MPHOSPH6: variants seen among roughly 807,000 people sequenced by gnomAD.
MPHOSPH6 encodes the protein M-phase phosphoprotein 6.
MPHOSPH6 carries 25 observed loss-of-function variants against 21.8 expected under a neutral mutation model. The ratio of observed to expected loss-of-function variants is 1.15; its 90% CI spans 0.83 to 1.60. The LOEUF (loss-of-function observed/expected upper bound fraction) is 1.60. Ranked by LOEUF, MPHOSPH6 falls within the 40% of genes most tolerant of loss-of-function variation. The pLI is 0.00. For missense variants in MPHOSPH6, 269 were observed against 181.8 expected, an observed-to-expected ratio of 1.48 and a Z score of -2.76; for synonymous variants, 84 against 56.5, an observed-to-expected ratio of 1.49 and a Z score of -2.18.
chr16:82,164,178 A>C lies in MPHOSPH6; in HGVS notation c.68T>G (p.Leu23Arg). Reference protein sequence around the residue: ...LLRMKFMQRGLDSETKKQLEE... With the variant: ...LLRMKFMQRGRDSETKKQLEE... ...TAGTTGTTTCTTGGTTTCTGAGTCC[A>C]GTCCCCTTTGCATAAACTGTGAAAA... Residue 23 changes from leucine to arginine, a missense_variant, in exon 2 of 5, where the codon CTG (leucine) becomes CGG (arginine). Transcript: ENST00000258169. 1 of 1,609,874 alleles carries C rather than the reference A, an allele frequency of 6.2e-7. No individual in the cohort carries two copies. Among genetic ancestry groups the C allele is most frequent in the East Asian group, 2.2e-5 (1 of 44,856 alleles).
In MPHOSPH6 at chr16:82,148,877, A is replaced by C; in HGVS notation, c.351-14T>G. ...AAGGTCTCATATCTGTCAAGAGGAC[A>C]GGCAGCACACGTTTAATTTCAAATA... On this transcript the variant is annotated splice_polypyrimidine_tract_variant and intron_variant, in intron 4 of 4. Coordinates refer to ENST00000258169, the MANE Select transcript of MPHOSPH6 (RefSeq NM_005792.2). The C allele has an allele frequency of 6.2e-7, 1 of 1,613,728 alleles. No individual in the cohort carries two copies. The highest frequency in any genetic ancestry group is 8.5e-7 in the Non-Finnish European group (1 of 1,179,780).
intron 2 of MPHOSPH6, among the ~76,000 whole-genome samples, chr16:82,161,917 T>C (rs552712639): frequency 7.2e-5 from 11 of 152,314 alleles, no homozygotes; most frequent in African/African-American, 2.6e-4. Flanking sequence ...ACATTAAAAA[T>C]GGGAAAGTCG....
chr16:82,155,042 C>A (rs79294049), intron 2 of MPHOSPH6, among the ~76,000 whole-genome samples: 2 of 152,244 alleles, frequency 1.3e-5, no homozygotes, highest in African/African-American at 2.4e-5. Context: ...GTCAGAAATA[C>A]AAGGCTGTTC....
At chr16:82,154,163 A>G (rs1006971285) in intron 2 of MPHOSPH6, among the ~76,000 whole-genome samples, 2 of 152,246 alleles carry the variant, frequency 1.3e-5, no homozygotes, top group African/African-American at 4.8e-5. Flanking sequence ...TGTTGAAGAA[A>G]TAACAGAGCT....
At chr16:82,162,882 T>G (rs568841468) in intron 2 of MPHOSPH6, among the ~76,000 whole-genome samples, 8 of 152,184 alleles carry the variant, frequency 5.3e-5, no homozygotes, top group Non-Finnish European at 7.3e-5. Flanking sequence ...GGAAACAAGA[T>G]AGAAACAGTC....
chr16:82,159,822 T>C (rs1268563299), intron 2 of MPHOSPH6, among the ~76,000 whole-genome samples: 1 of 152,206 alleles, frequency 6.6e-6, no homozygotes, highest in African/African-American at 2.4e-5. Flanking sequence ...GAAACTCACT[T>C]ACTTCAGAAC....
chr16:82,150,366 A>G (rs1201316595), intron 3 of MPHOSPH6, among the ~76,000 whole-genome samples: 1 of 152,024 alleles, frequency 6.6e-6, no homozygotes, highest in Non-Finnish European at 1.5e-5. Context: ...CTCCTTCTCA[A>G]TCTGAAGCTT....
Position 82,149,277 on chromosome 16 carries a change from C to T in MPHOSPH6, c.350+32G>A, listed in dbSNP as rs777564424. 3 of 1,602,466 alleles carry T rather than the reference C, an allele frequency of 1.9e-6. No individual in the cohort carries two copies. In the South Asian group the frequency reaches 3.3e-5, roughly 18 times the overall value. On this transcript the variant is annotated intron_variant, in intron 4 of 4. Transcript: ENST00000258169. ...TGGGAGAGCCAATGAATGCTAGGTC[C>T]AGATTAGAAGGCTGCTGCGCAGCAC...
At chr16:82,155,429 C>CAA (rs1228479599) in intron 2 of MPHOSPH6, among the ~76,000 whole-genome samples, 1 of 152,202 alleles carries the variant, frequency 6.6e-6, no homozygotes, top group African/African-American at 2.4e-5. Flanking sequence ...CACAAAAAAA[C>CAA]TACTTGTCAG....
At chr16:82,165,863 CTGTTGTTAAATCA>C (rs1906761219) in intron 1 of MPHOSPH6, among the ~76,000 whole-genome samples, 2 of 113,610 alleles carry the variant, frequency 1.8e-5, no homozygotes, top group Non-Finnish European at 4.1e-5. Flanking sequence ...GAACGTATCC[CTGTTGTTAAATCA>C]TGTGTTAAGT....
At chr16:82,160,944 C>A (rs1357910247) in intron 2 of MPHOSPH6, among the ~76,000 whole-genome samples, 1 of 135,580 alleles carries the variant, frequency 7.4e-6, no homozygotes, top group Non-Finnish European at 1.6e-5. Flanking sequence ...CCTCCCTACA[C>A]TCAGAGGAAA....
At chr16:82,165,129 T>C (rs1267513996) in intron 1 of MPHOSPH6, among the ~76,000 whole-genome samples, 1 of 88,990 alleles carries the variant, frequency 1.1e-5, no homozygotes, top group Admixed American at 1.1e-4. Context: ...TTATTTTTTT[T>C]TTTATTTTTT....
At chr16:82,167,148 G>A (rs922358210) in intron 1 of MPHOSPH6, among the ~76,000 whole-genome samples, 6 of 152,172 alleles carry the variant, frequency 3.9e-5, no homozygotes, top group South Asian at 2.1e-4. Flanking sequence ...TTATCATATG[G>A]TCCTTTACAG....
At chr16:82,148,887 C>A (rs542947022) in intron 4 of MPHOSPH6, 24 bp from the exon 5 acceptor site, 23 of 1,610,960 alleles carry the variant, frequency 1.4e-5, no homozygotes, top group East Asian at 2.2e-5. Flanking sequence ...AGGCAGCACA[C>A]GTTTAATTTC....
intron 1 of MPHOSPH6, among the ~76,000 whole-genome samples, chr16:82,167,004 C>A (rs764138416): frequency 1.3e-5 from 2 of 152,234 alleles, no homozygotes; most frequent in African/African-American, 2.4e-5. Context: ...CAGCATAATA[C>A]AGTCCTCAGG....
chr16:82,155,809 G>A (rs752600639), intron 2 of MPHOSPH6, among the ~76,000 whole-genome samples: 1 of 152,060 alleles, frequency 6.6e-6, no homozygotes, highest in Admixed American at 6.6e-5. Context: ...GGAGGCTGGG[G>A]CAGGAGAATC....
chr16:82,151,702 A>G (rs182308800), intron 2 of MPHOSPH6, among the ~76,000 whole-genome samples, 188 bp from the exon 3 acceptor site: 137 of 152,382 alleles, frequency 9.0e-4, no homozygotes, highest in African/African-American at 3.0e-3. Context: ...TTAGGAGACA[A>G]GAGCAGCAAG....
chr16:82,165,073 A>G (rs1906722135), intron 1 of MPHOSPH6: 1 of 140,282 alleles, frequency 7.1e-6, no homozygotes, highest in Admixed American at 7.3e-5. Flanking sequence ...ACTGGTTTCT[A>G]TGTATCCCCC....
chr16:82,169,544 G>C (rs1432531911), intron 1 of MPHOSPH6, among the ~76,000 whole-genome samples: 1 of 152,146 alleles, frequency 6.6e-6, no homozygotes, highest in Admixed American at 6.5e-5. Flanking sequence ...CCACAGTCGT[G>C]TGATCCAGTT....
Sources: gnomAD v4.1 joint callset for allele counts (sites outside exome capture counted in the v4.1 genomes callset) on GRCh38, gnomAD v4.1.1 for gene constraint, MANE v1.5 for transcripts, NCBI Gene and HGNC (gene_info 2026-07-23, HGNC 2026-07-21) for gene names.